The following SRPK2 variants were observed in gnomAD, a reference collection of about 807,000 sequenced individuals.
SRPK2 encodes the protein SRSF protein kinase 2, also known as SFRS protein kinase 2.
Under a neutral mutation model 90.8 loss-of-function variants are expected in SRPK2, and 21 were observed. The ratio of observed to expected loss-of-function variants is 0.23; its 90% confidence interval spans 0.16 to 0.33. The LOEUF (loss-of-function observed/expected upper bound fraction) is 0.33, where lower values mean the gene tolerates loss of function less well. Among genes scored for constraint, SRPK2 ranks in the 10% least tolerant of loss-of-function variants. The pLI, the probability that SRPK2 is intolerant of heterozygous loss-of-function variation, is 1.00. For missense variants in SRPK2, 620 were observed against 869.0 expected, an observed-to-expected ratio of 0.71 and a Z score of 3.60; for synonymous variants, 288 against 311.1, an observed-to-expected ratio of 0.93 and a Z score of 0.78.
At chr7:105,259,000 C>G (rs1328019849) in intron 2 of SRPK2, among the ~76,000 whole-genome samples, 2 of 152,168 alleles carry the variant, frequency 1.3e-5, no homozygotes, top group Non-Finnish European at 2.9e-5. Flanking sequence ...CCTCTCTCAC[C>G]ACTCCTATTC....
At chr7:105,278,806 G>C (rs1806874808) in intron 2 of SRPK2, among the ~76,000 whole-genome samples, 2 of 151,650 alleles carry the variant, frequency 1.3e-5, no homozygotes, top group Admixed American at 6.6e-5. Flanking sequence ...AAAGGAGAGA[G>C]AGAAAGAAAA....
chr7:105,127,528 T>C (rs1801375796), intron 13 of SRPK2, among the ~76,000 whole-genome samples: 1 of 152,262 alleles, frequency 6.6e-6, no homozygotes, highest in Non-Finnish European at 1.5e-5. Flanking sequence ...CTATTTTCAG[T>C]ATCTCATCAA....
chr7:105,129,862 T>C (rs1017941786), intron 13 of SRPK2, among the ~76,000 whole-genome samples: 1 of 152,150 alleles, frequency 6.6e-6, no homozygotes, highest in Non-Finnish European at 1.5e-5. Context: ...AGATCACGTA[T>C]TTGTTCTGTA....
intron 2 of SRPK2, among the ~76,000 whole-genome samples, chr7:105,280,421 CAA>C (rs1279271628): frequency 1.2e-4 from 12 of 103,846 alleles, no homozygotes; most frequent in African/African-American, 1.1e-4. Flanking sequence ...AGACTGTCTT[CAA>C]AAAAAAAAAA....
chr7:105,275,051 C>G (rs748487020), intron 2 of SRPK2, among the ~76,000 whole-genome samples: 9 of 152,192 alleles, frequency 5.9e-5, no homozygotes, highest in Admixed American at 3.3e-4. Context: ...CCACGCCTGA[C>G]AAATTTTTGT....
chr7:105,364,249 C>T (rs896649911), intron 2 of SRPK2, among the ~76,000 whole-genome samples: 1 of 152,012 alleles, frequency 6.6e-6, no homozygotes, highest in African/African-American at 2.4e-5. Context: ...ACAGTCTTCT[C>T]CAGCAGGAAT....
chr7:105,374,107 A>G (rs1275705683), intron 2 of SRPK2, among the ~76,000 whole-genome samples: 1 of 151,710 alleles, frequency 6.6e-6, no homozygotes, highest in East Asian at 1.9e-4. Context: ...TTATATTTTT[A>G]GTAGAGACGG....
intron 6 of SRPK2, among the ~76,000 whole-genome samples, chr7:105,160,928 C>G (rs1270376633): frequency 1.6e-4 from 25 of 152,026 alleles, no homozygotes; most frequent in Admixed American, 5.2e-4. Flanking sequence ...CTTCCATATA[C>G]TTTATTTTTA....
chr7:105,143,452 C>T, intron 9 of SRPK2, 122 bp from the exon 10 acceptor site: 4 of 1,277,730 alleles, frequency 3.1e-6, no homozygotes, highest in Non-Finnish European at 4.3e-6. Flanking sequence ...CTATTAAAAT[C>T]CCAAACCCAG....
chr7:105,114,966 T>C (rs970906932), downstream of SRPK2, among the ~76,000 whole-genome samples: 8 of 152,184 alleles, frequency 5.3e-5, no homozygotes, highest in Admixed American at 6.5e-5. Flanking sequence ...ATCCTGATAG[T>C]TTCAAACAGA....
chr7:105,367,167 A>G (rs1819172404), intron 2 of SRPK2, among the ~76,000 whole-genome samples: 1 of 151,852 alleles, frequency 6.6e-6, no homozygotes, highest in Admixed American at 6.6e-5. Flanking sequence ...TATTACAGGT[A>G]TGAGCCACCA....
At chr7:105,391,954 T>C (rs755230530), upstream of SRPK2, among the ~76,000 whole-genome samples, 1 of 152,190 alleles carries the variant, frequency 6.6e-6, no homozygotes, top group Non-Finnish European at 1.5e-5. Flanking sequence ...AAAACCTAAA[T>C]GGTCATCCAT....
At chr7:105,179,782 G>A (rs888763512) in intron 3 of SRPK2, among the ~76,000 whole-genome samples, 7 of 131,102 alleles carry the variant, frequency 5.3e-5, no homozygotes, top group East Asian at 2.2e-4. Context: ...CTGAGATTGC[G>A]CCATTGCACT....
At chr7:105,174,216 A>C (rs1006346068) in intron 3 of SRPK2, among the ~76,000 whole-genome samples, 1 of 152,110 alleles carries the variant, frequency 6.6e-6, no homozygotes. Context: ...TCTGTAACTA[A>C]AACTCTACCT....
intron 2 of SRPK2, chr7:105,205,890 T>A (rs1156501420): frequency 1.9e-6 from 1 of 514,404 alleles, no homozygotes; most frequent in African/African-American, 1.9e-5. Context: ...TCTTCCTAAC[T>A]CAGAAACTTT....
chr7:105,163,364 G>A (rs1006711394), intron 6 of SRPK2, among the ~76,000 whole-genome samples: 15 of 152,306 alleles, frequency 9.8e-5, no homozygotes, highest in Middle Eastern at 3.4e-3. Context: ...AATCACTGAT[G>A]CTTTATGGTA....
At chr7:105,308,980 G>A (rs1388683679) in intron 2 of SRPK2, among the ~76,000 whole-genome samples, 1 of 151,994 alleles carries the variant, frequency 6.6e-6, no homozygotes, top group African/African-American at 2.4e-5. Context: ...GCCCTTCAGT[G>A]CTGCTTCATT....
intron 2 of SRPK2, among the ~76,000 whole-genome samples, chr7:105,243,358 G>A (rs1390094212): frequency 6.6e-6 from 1 of 152,066 alleles, no homozygotes; most frequent in Non-Finnish European, 1.5e-5. Context: ...CACAGTTGAG[G>A]AGCCTGAGAT....
intron 2 of SRPK2, among the ~76,000 whole-genome samples, chr7:105,343,365 T>C (rs1192383389): frequency 6.6e-6 from 1 of 152,032 alleles, no homozygotes; most frequent in South Asian, 2.1e-4. Context: ...GCCCAGGAGG[T>C]TGAGGCTACA....
Sources: gnomAD v4.1 joint callset for allele counts (sites outside exome capture counted in the v4.1 genomes callset) on GRCh38, gnomAD v4.1.1 for gene constraint, MANE v1.5 for transcripts, NCBI Gene and HGNC (gene_info 2026-07-23, HGNC 2026-07-21) for gene names.